The following CSMD3 variants were observed in gnomAD, a reference collection of about 807,000 sequenced individuals.
CSMD3 encodes the protein CUB and sushi domain-containing protein 3.
CSMD3 carries 177 observed loss-of-function variants against 435.2 expected under a neutral mutation model. The ratio of observed to expected loss-of-function variants is 0.41; its 90% CI spans 0.36 to 0.46. CSMD3 has a LOEUF of 0.46. Among genes scored for constraint, CSMD3 ranks in the 20% least tolerant of loss-of-function variants. The pLI is 0.34. For missense variants in CSMD3, 4,265 were observed against 4,504.6 expected (o/e 0.95, Z 1.52); for synonymous variants, 1,656 against 1,520.5 (o/e 1.09, Z -2.07).
intron 5 of CSMD3, among the ~76,000 whole-genome samples, chr8:113,059,995 AT>A (rs11440141): frequency 0.071 from 10,267 of 145,464 alleles, 457 homozygotes; most frequent in Non-Finnish European, 0.098. Flanking sequence ...TTATTTATTT[AT>A]TTTTTTTTTA....
chr8:112,931,835 A>G (rs2083119112), intron 9 of CSMD3, among the ~76,000 whole-genome samples: 1 of 152,192 alleles, frequency 6.6e-6, no homozygotes, highest in Non-Finnish European at 1.5e-5. Flanking sequence ...GCAAACACGT[A>G]TATGAAAAAT....
At chr8:113,379,563 T>C (rs7843167) in intron 1 of CSMD3, among the ~76,000 whole-genome samples, 1 of 152,180 alleles carries the variant, frequency 6.6e-6, no homozygotes, top group Non-Finnish European at 1.5e-5. Context: ...TTTTTAGCTC[T>C]AGCACCTAAG....
In CSMD3 at chr8:112,324,396, T is replaced by G. The variant is rs1032906597; in HGVS notation, c.7166-4415A>C. ...TCCTACAATACCTAACACATTTAAT[T>G]TAGTTGTTTATTAAATAAGTTATTA... On this transcript the variant is annotated intron_variant, in intron 45 of 70. Transcript: ENST00000297405. Among the ~76,000 whole-genome samples the G allele has an allele frequency of 2.6e-5, 4 of 152,236 alleles. No individual in the cohort carries two copies. In the Middle Eastern group the frequency reaches 0.014, roughly 518 times the overall value.
At position 112,791,319 on chromosome 8, in the gene CSMD3, G is replaced by GGAAAAAAAAAAAAAAAAAAAAAAAA. The variant is rs56289713; in HGVS notation, c.1972+8842_1972+8843insTTTTTTTTTTTTTTTTTTTTTTTTC. ...CCTGGGTGACAGAGGCATATCCTGT[G>GGAAAAAAAAAAAAAAAAAAAAAAAA]AAAAAAAAAAAAAAAAAAAAAGGAA... On this transcript the variant is annotated intron_variant, in intron 13 of 70. Coordinates refer to ENST00000297405, the MANE Select transcript of CSMD3 (RefSeq NM_198123.2). Among the ~76,000 whole-genome samples the GGAAAAAAAAAAAAAAAAAAAAAAAA allele has an allele frequency of 1.9e-5, 2 of 103,194 alleles. 1 individual carries two copies. Among genetic ancestry groups the GGAAAAAAAAAAAAAAAAAAAAAAAA allele is most frequent in the Non-Finnish European group, 3.9e-5 (2 of 51,334 alleles). The allele number at this position is 103,194 out of a possible 152,430, so 67.7% of individuals were successfully genotyped here.
At chr8:112,734,897 T>G (rs2077153228) in intron 13 of CSMD3, among the ~76,000 whole-genome samples, 2 of 152,022 alleles carry the variant, frequency 1.3e-5, no homozygotes, top group South Asian at 4.1e-4. Flanking sequence ...TACTCATTTT[T>G]CTGTACTTTT....
At chr8:112,508,767 T>A (rs189938016) in intron 28 of CSMD3, among the ~76,000 whole-genome samples, 2 of 152,296 alleles carry the variant, frequency 1.3e-5, no homozygotes, top group Admixed American at 6.5e-5. Flanking sequence ...CCTGTCTGAA[T>A]CAAAGTCTCT....
At chr8:112,890,480 T>C (rs1171352070) in intron 10 of CSMD3, among the ~76,000 whole-genome samples, 7 of 151,664 alleles carry the variant, frequency 4.6e-5, no homozygotes. Context: ...GAGTTTACAT[T>C]GTAGGAAAAA....
intron 38 of CSMD3, 107 bp downstream of exon 38, chr8:112,380,245 G>A (rs1245343254): frequency 1.6e-6 from 1 of 612,534 alleles, no homozygotes; most frequent in Non-Finnish European, 2.9e-6. Context: ...ATAAGACAAT[G>A]TTTTCTTTGA....
chr8:113,105,065 AT>A (rs1188302489), intron 4 of CSMD3, among the ~76,000 whole-genome samples: 2 of 152,128 alleles, frequency 1.3e-5, no homozygotes, highest in African/African-American at 4.8e-5. Context: ...AAATATAGGC[AT>A]TCATTCAATA....
chr8:113,386,124 T>C (rs1439258890), intron 1 of CSMD3, among the ~76,000 whole-genome samples: 1 of 152,050 alleles, frequency 6.6e-6, no homozygotes, highest in Admixed American at 6.6e-5. Context: ...AAATACAAAA[T>C]GTTTTGGAAA....
Position 112,224,933 on chromosome 8 carries a change from G to A in CSMD3, c.10965-3C>T. On this transcript the variant is annotated splice_region_variant and splice_polypyrimidine_tract_variant and intron_variant, in intron 70 of 70. Coordinates refer to ENST00000297405, the MANE Select transcript of CSMD3 (RefSeq NM_198123.2). ...TATACTGTGTTTTAGGTGCAGTCCTGTTGATGAGAACATTGATTAGCTATG... is the reference window on the plus strand; with the variant it reads ...TATACTGTGTTTTAGGTGCAGTCCTATTGATGAGAACATTGATTAGCTATG... 1.2e-6 allele frequency: 2 copies of A among 1,613,734 alleles called. No homozygotes were observed. The highest frequency in any genetic ancestry group is 2.2e-5 in the East Asian group (1 of 44,866).
At chr8:112,572,115 C>T (rs372144343) in intron 24 of CSMD3, among the ~76,000 whole-genome samples, 55 of 151,540 alleles carry the variant, frequency 3.6e-4, no homozygotes, top group African/African-American at 1.2e-3. Flanking sequence ...AATATCATTA[C>T]TCAATATCAT....
intron 1 of CSMD3, among the ~76,000 whole-genome samples, chr8:113,335,305 A>G (rs1290647070): frequency 3.3e-5 from 5 of 152,018 alleles, no homozygotes; most frequent in African/African-American, 7.2e-5. Flanking sequence ...AGTCTCGGGT[A>G]TTTCTTTATA....
At chr8:113,113,509 A>T (rs1047568110) in intron 4 of CSMD3, among the ~76,000 whole-genome samples, 6 of 152,212 alleles carry the variant, frequency 3.9e-5, no homozygotes, top group African/African-American at 1.4e-4. Flanking sequence ...TTTAAAGGCT[A>T]GGTTTAGATG....
intron 5 of CSMD3, among the ~76,000 whole-genome samples, chr8:113,052,651 G>A (rs946460441): frequency 3.3e-5 from 5 of 152,174 alleles, no homozygotes; most frequent in East Asian, 1.9e-4. Context: ...GATAGCTAAC[G>A]CATGCCTATA....
At chr8:112,695,528 A>G (rs966768190) in intron 13 of CSMD3, among the ~76,000 whole-genome samples, 3 of 152,184 alleles carry the variant, frequency 2.0e-5, no homozygotes, top group Non-Finnish European at 4.4e-5. Context: ...ACAAAATTCA[A>G]CAGCCCTTCA....
intron 1 of CSMD3, among the ~76,000 whole-genome samples, chr8:113,434,426 A>G (rs1019905874): frequency 6.6e-6 from 1 of 152,216 alleles, no homozygotes; most frequent in Non-Finnish European, 1.5e-5. Flanking sequence ...GACAGGTGAA[A>G]TTAAAATAAA....
intron 1 of CSMD3, among the ~76,000 whole-genome samples, chr8:113,394,865 G>T (rs1588655905): frequency 1.3e-5 from 2 of 152,138 alleles, no homozygotes; most frequent in South Asian, 4.1e-4. Flanking sequence ...GAAGGATTTT[G>T]GGGAGGTTTA....
At chr8:113,111,693 A>G (rs992245138) in intron 4 of CSMD3, among the ~76,000 whole-genome samples, 1 of 151,920 alleles carries the variant, frequency 6.6e-6, no homozygotes, top group Non-Finnish European at 1.5e-5. Context: ...TTATTTATTT[A>G]TTTTTTGAGA....
Sources: gnomAD v4.1 joint callset for allele counts (sites outside exome capture counted in the v4.1 genomes callset) on GRCh38, gnomAD v4.1.1 for gene constraint, MANE v1.5 for transcripts, NCBI Gene and HGNC (gene_info 2026-07-23, HGNC 2026-07-21) for gene names.